RRM2: variants seen among roughly 807,000 people sequenced by gnomAD.
RRM2 encodes the protein ribonucleotide reductase regulatory subunit M2.
RRM2 carries 6 observed loss-of-function variants against 45.9 expected under a neutral mutation model. The observed-to-expected ratio is 0.13, with a 90% CI of 0.07 to 0.26. RRM2 has a LOEUF of 0.26. RRM2 is among the 10% of genes least tolerant of loss of function. RRM2 has a pLI of 1.00. For synonymous variants in RRM2, 177 were observed against 173.0 expected (o/e 1.02, Z -0.18); for missense variants, 343 against 489.5 (o/e 0.70, Z 2.82).
intron 3 of RRM2, among the ~76,000 whole-genome samples, chr2:10,189,119 C>A (rs1664230449): frequency 6.6e-6 from 1 of 151,112 alleles, no homozygotes. Context: ...GGCCCATGGC[C>A]TCAAGATTCA....
chr2:10,170,837 A>G (rs542388049), intron 3 of RRM2, among the ~76,000 whole-genome samples: 3 of 152,186 alleles, frequency 2.0e-5, no homozygotes, highest in Non-Finnish European at 2.9e-5. Flanking sequence ...TTGAGAGCAC[A>G]GCGGAATGAA....
At chr2:10,183,886 G>A (rs571985037) in intron 3 of RRM2, among the ~76,000 whole-genome samples, 1 of 151,492 alleles carries the variant, frequency 6.6e-6, no homozygotes, top group South Asian at 2.1e-4. Context: ...TCAGGAGATC[G>A]AGACCATCCT....
chr2:10,206,824 A>G (rs984413214), intron 3 of RRM2, among the ~76,000 whole-genome samples: 1 of 152,252 alleles, frequency 6.6e-6, no homozygotes, highest in African/African-American at 2.4e-5. Context: ...ACTTCACAAC[A>G]GCAATAATGG....
Position 10,171,255 on chromosome 2 carries a change from G to C in RRM2, n.482+28880G>C, listed in dbSNP as rs1663801374. Among the ~76,000 whole-genome samples the C allele has an allele frequency of 6.6e-6, 1 of 152,266 alleles. No homozygotes were observed. Among genetic ancestry groups the C allele is most frequent in the South Asian group, 2.1e-4 (1 of 4,836 alleles). On this transcript the variant is annotated intron_variant and non_coding_transcript_variant, in intron 3 of 3. Coordinates refer to the RRM2 transcript ENST00000381786. This position sits in a 1 kb window ranked among gnomAD's most constrained non-coding sequence, Gnocchi z 4.1. ...AACAGTCAGCTCTGCCCCCTGGGCT[G>C]TCAGGAGGATTAAATGAGATAAGAC...
intron 3 of RRM2, among the ~76,000 whole-genome samples, chr2:10,208,542 G>T (rs1262920712): frequency 6.6e-6 from 1 of 152,178 alleles, no homozygotes; most frequent in African/African-American, 2.4e-5. Context: ...TGGGCAGAAG[G>T]ATTCTGTAAT....
intron 3 of RRM2, among the ~76,000 whole-genome samples, chr2:10,197,719 G>A (rs1664446194): frequency 6.6e-6 from 1 of 152,208 alleles, no homozygotes; most frequent in East Asian, 1.9e-4. Flanking sequence ...CAATACTAAA[G>A]ACCAACAGAT....
chr2:10,138,167 A>ATTT (rs35428652), upstream of RRM2, among the ~76,000 whole-genome samples: 3 of 136,128 alleles, frequency 2.2e-5, no homozygotes, highest in African/African-American at 5.6e-5. Flanking sequence ...TGCCCGGCTA[A>ATTT]TTTTTTTTTT....
chr2:10,191,640 G>T (rs1333058455), intron 3 of RRM2, among the ~76,000 whole-genome samples: 1 of 152,142 alleles, frequency 6.6e-6, no homozygotes, highest in Non-Finnish European at 1.5e-5. Context: ...TCCTGGGTTT[G>T]GGAGGCTCAG....
intron 3 of RRM2, among the ~76,000 whole-genome samples, chr2:10,187,744 G>A (rs929211348): frequency 6.6e-6 from 1 of 152,204 alleles, no homozygotes; most frequent in Non-Finnish European, 1.5e-5. Context: ...CACAGCGGCT[G>A]GGCAGGTTCA....
intron 3 of RRM2, among the ~76,000 whole-genome samples, chr2:10,177,702 CCTT>C (rs1663950376): frequency 5.6e-5 from 8 of 142,480 alleles, no homozygotes; most frequent in African/African-American, 2.1e-4. Flanking sequence ...TTCCTTCCTT[CCTT>C]CCTCTCTCCC....
rs889109051 is a variant in RRM2, at chr2:10,195,483, C to T, written n.483-14828C>T. ...CAGGAGCATGCGGGGGAGACCTTGG[C>T]CCAGCCCTGCAGTCAGGCAGTAGGT... On this transcript the variant is annotated intron_variant and non_coding_transcript_variant, in intron 3 of 3. Transcript: ENST00000381786. The surrounding 1 kb of genome is among the most constrained non-coding windows in gnomAD (Gnocchi z 4.9). Among the ~76,000 whole-genome samples the T allele has an allele frequency of 6.6e-6, 1 of 152,170 alleles. No homozygotes were observed. The highest frequency in any genetic ancestry group is 6.5e-5 in the Admixed American group (1 of 15,272).
At chr2:10,134,147 G>A (rs1000223902), downstream of RRM2, among the ~76,000 whole-genome samples, 4 of 143,484 alleles carry the variant, frequency 2.8e-5, no homozygotes, top group Non-Finnish European at 4.5e-5. Flanking sequence ...TCCAGCCTGG[G>A]CGACAAGAGT....
chr2:10,137,870 C>T (rs138775042), upstream of RRM2, among the ~76,000 whole-genome samples: 3 of 152,324 alleles, frequency 2.0e-5, no homozygotes, highest in African/African-American at 7.2e-5. Context: ...CTTTGGAAGG[C>T]TGGGAACAGG....
At chr2:10,186,300 G>A (rs1420140039) in intron 3 of RRM2, among the ~76,000 whole-genome samples, 2 of 149,402 alleles carry the variant, frequency 1.3e-5, no homozygotes, top group East Asian at 4.1e-4. Context: ...GGCGCGCACC[G>A]CCATGCCCAG....
chr2:10,123,045 G>C lies in RRM2; in HGVS notation c.162G>C (p.Glu54Asp). 1 of 1,563,440 alleles carries C rather than the reference G, an allele frequency of 6.4e-7. No individual in the cohort carries two copies. Among genetic ancestry groups the C allele is most frequent in the Non-Finnish European group, 8.6e-7 (1 of 1,162,050 alleles). Residue 54 changes from glutamate (E) to aspartate (D), a missense_variant, in exon 2 of 10, where the codon GAG (glutamate) becomes GAC (aspartate). Physicochemically the swap from Glu to Asp is conservative, Grantham distance 45. Transcript: ENST00000304567. The part of the protein sequence containing the change: ...ASKTARRIFQ[E>D]PTEPKTKAAA... ...AGACCGCGAGGAGGATCTTCCAGGA[G>C]CCCACGGAGCCGGTGAGTGGCGGGC...
At position 10,208,972 on chromosome 2, in the gene RRM2, G is replaced by C. The variant is rs531097617; in HGVS notation, n.483-1339G>C. Among the ~76,000 whole-genome samples, 3 of 151,742 alleles carry C rather than the reference G, an allele frequency of 2.0e-5. No homozygotes were observed. In the East Asian group the frequency reaches 5.8e-4, roughly 29 times the overall value. ...TGCTGGATCCTGCCTGTTCAGACCT[G>C]TCCTGTCTCCTGGTGGCCAAACTGG... On this transcript the variant is annotated intron_variant and non_coding_transcript_variant, in intron 3 of 3. Transcript: ENST00000381786.
chr2:10,208,213 G>T (rs776591639), intron 3 of RRM2, among the ~76,000 whole-genome samples: 1 of 152,182 alleles, frequency 6.6e-6, no homozygotes, highest in Non-Finnish European at 1.5e-5. Context: ...CAAGTGGGTA[G>T]ATGGCAGGTG....
chr2:10,200,639 A>C (rs1172520941), intron 3 of RRM2, among the ~76,000 whole-genome samples: 1 of 102,462 alleles, frequency 9.8e-6, no homozygotes, highest in African/African-American at 3.6e-5. Flanking sequence ...TATGAGGCCC[A>C]CAGGCACCGC....
At chr2:10,151,310 T>A (rs1663307094) in intron 3 of RRM2, among the ~76,000 whole-genome samples, 1 of 88,562 alleles carries the variant, frequency 1.1e-5, no homozygotes, top group Non-Finnish European at 2.5e-5. Flanking sequence ...TTTTTTTTTT[T>A]TTTTGTAGAC....
Sources: allele counts gnomAD v4.1 joint callset (sites outside exome capture counted in the v4.1 genomes callset), GRCh38; gene constraint gnomAD v4.1.1; non-coding constraint Gnocchi (gnomAD v3.1); transcripts MANE v1.5; gene names NCBI Gene and HGNC (gene_info 2026-07-23, HGNC 2026-07-21).